Variants in FHIT observed in about 807,000 individuals in gnomAD.
FHIT encodes the protein fragile histidine triad diadenosine triphosphatase, also known as bis(5'-adenosyl)-triphosphatase.
In FHIT, 19 loss-of-function variants were observed where a neutral mutation model predicts 17.9. That is an observed-to-expected ratio of 1.06 (90% CI 0.74 to 1.56). The LOEUF (loss-of-function observed/expected upper bound fraction) is 1.56. FHIT is among the 40% of genes most tolerant of loss of function. The pLI, the probability that FHIT is intolerant of heterozygous loss-of-function variation, is 0.00. For missense variants in FHIT, 248 were observed against 189.2 expected, an observed-to-expected ratio of 1.31 and a Z score of -1.82; for synonymous variants, 81 against 69.7, an observed-to-expected ratio of 1.16 and a Z score of -0.81.
At chr3:61,055,347 A>T (rs533584678) in intron 2 of FHIT, among the ~76,000 whole-genome samples, 5 of 152,306 alleles carry the variant, frequency 3.3e-5, no homozygotes, top group African/African-American at 1.2e-4. Context: ...TTGTAGCCAC[A>T]ATAATGCCTA....
At chr3:59,847,070 C>G (rs541769481) in intron 8 of FHIT, among the ~76,000 whole-genome samples, 1 of 152,158 alleles carries the variant, frequency 6.6e-6, no homozygotes, top group East Asian at 1.9e-4. Context: ...CTTTCAGGCT[C>G]ACCCTATTTG....
chr3:60,241,724 T>C (rs1705138805), intron 5 of FHIT, among the ~76,000 whole-genome samples: 2 of 152,118 alleles, frequency 1.3e-5, no homozygotes, highest in Non-Finnish European at 1.5e-5. Context: ...TTCCTACATA[T>C]GAAGAGAGAA....
At chr3:60,652,326 C>T (rs1422966219) in intron 4 of FHIT, among the ~76,000 whole-genome samples, 7 of 152,122 alleles carry the variant, frequency 4.6e-5, no homozygotes, top group African/African-American at 1.7e-4. Flanking sequence ...CTAGGCCAGG[C>T]GTGGTAGTTC....
At chr3:60,008,736 T>G (rs1700016094) in intron 7 of FHIT, among the ~76,000 whole-genome samples, 1 of 152,244 alleles carries the variant, frequency 6.6e-6, no homozygotes, top group Non-Finnish European at 1.5e-5. Flanking sequence ...TGCAACTGTG[T>G]GAATTCCAAA....
chr3:60,497,442 T>C (rs2034346588), intron 5 of FHIT, among the ~76,000 whole-genome samples: 1 of 152,356 alleles, frequency 6.6e-6, no homozygotes, highest in South Asian at 2.1e-4. Flanking sequence ...ATAAAAATCA[T>C]TCTGCAAACA....
At chr3:60,582,732 C>T (rs1375016602) in intron 4 of FHIT, among the ~76,000 whole-genome samples, 1 of 152,106 alleles carries the variant, frequency 6.6e-6, no homozygotes, top group Non-Finnish European at 1.5e-5. Context: ...AACACATCCA[C>T]ATATGGAAGA....
At chr3:60,823,649 T>C (rs1001384612) in intron 3 of FHIT, among the ~76,000 whole-genome samples, 1 of 152,240 alleles carries the variant, frequency 6.6e-6, no homozygotes, top group Non-Finnish European at 1.5e-5. Context: ...GGTGACACTT[T>C]GATTTCAGAC....
intron 5 of FHIT, among the ~76,000 whole-genome samples, chr3:60,392,470 T>C (rs941365209): frequency 1.3e-5 from 2 of 152,196 alleles, no homozygotes; most frequent in Non-Finnish European, 2.9e-5. Flanking sequence ...ACCTTGTTCA[T>C]GCTTTAACTG....
At chr3:61,039,514 T>A (rs2033405321) in intron 3 of FHIT, among the ~76,000 whole-genome samples, 1 of 152,146 alleles carries the variant, frequency 6.6e-6, no homozygotes, top group African/African-American at 2.4e-5. Context: ...CATAGAATAC[T>A]ACACAGCCAT....
intron 4 of FHIT, among the ~76,000 whole-genome samples, chr3:60,596,488 T>C (rs1311300093): frequency 6.6e-6 from 1 of 152,102 alleles, no homozygotes; most frequent in Non-Finnish European, 1.5e-5. Flanking sequence ...CATGACCTAA[T>C]CTCCAAAATC....
intron 4 of FHIT, among the ~76,000 whole-genome samples, chr3:60,752,541 G>T (rs58004298): frequency 0.01 from 1,530 of 152,196 alleles, 29 homozygotes; most frequent in African/African-American, 0.034. Flanking sequence ...TCCTCTCCAA[G>T]TTCTCAACAA....
At position 60,744,273 on chromosome 3, in the gene FHIT, A is replaced by C. The variant is rs555824701; in HGVS notation, c.-18+77646T>G. 2.3e-3 allele frequency among the ~76,000 whole-genome samples: 341 copies of C among 147,358 alleles called. 7 individuals are homozygous for C. Among genetic ancestry groups the C allele is most frequent in the South Asian group, 0.01 (45 of 4,478 alleles). ...AAAAAAAAAACAAAACAAAACAAAAAAAAAAAAAAACAGAAAGAAAAGAAA... is the reference window on the plus strand; with the variant it reads ...AAAAAAAAAACAAAACAAAACAAAACAAAAAAAAAACAGAAAGAAAAGAAA... On this transcript the variant is annotated intron_variant, in intron 4 of 9. Coordinates refer to ENST00000492590, the MANE Select transcript of FHIT (RefSeq NM_002012.4).
Position 60,407,958 on chromosome 3 carries a change from A to G in FHIT, c.103+128902T>C, listed in dbSNP as rs1701934206. On this transcript the variant is annotated intron_variant, in intron 5 of 9. Coordinates refer to ENST00000492590, the MANE Select transcript of FHIT (RefSeq NM_002012.4). ...ACCATTACTGGAACCTGTTAAAGCC[A>G]CTAACAGAGAAAGTCATATTTCAAG... is the stretch of plus-strand genomic sequence containing the variant. Among the ~76,000 whole-genome samples the G allele has an allele frequency of 1.3e-5, 2 of 152,222 alleles. 1 individual carries two copies. The highest frequency in any genetic ancestry group is 4.1e-4 in the South Asian group (2 of 4,836).
At chr3:59,897,793 A>C (rs902029052) in intron 8 of FHIT, among the ~76,000 whole-genome samples, 1 of 150,248 alleles carries the variant, frequency 6.7e-6, no homozygotes, top group African/African-American at 2.5e-5. Flanking sequence ...TTGAGAGGGA[A>C]TCTCACCCTG....
chr3:60,441,891 CT>C (rs1005273580), intron 5 of FHIT, among the ~76,000 whole-genome samples: 1 of 143,916 alleles, frequency 6.9e-6, no homozygotes, highest in African/African-American at 2.6e-5. Flanking sequence ...CAAGGACTCG[CT>C]CTGTCACCCA....
At chr3:60,451,671 G>C (rs541800934) in intron 5 of FHIT, among the ~76,000 whole-genome samples, 40 of 152,196 alleles carry the variant, frequency 2.6e-4, no homozygotes, top group Non-Finnish European at 2.4e-4. Context: ...TTTGCACAAA[G>C]ATAACTTAGT....
chr3:59,872,971 C>G (rs745453294), intron 8 of FHIT, among the ~76,000 whole-genome samples: 1 of 152,214 alleles, frequency 6.6e-6, no homozygotes, highest in Non-Finnish European at 1.5e-5. Flanking sequence ...TACCTAGACT[C>G]AAAATCTAGA....
intron 5 of FHIT, among the ~76,000 whole-genome samples, chr3:60,512,584 G>C (rs1359158555): frequency 6.7e-6 from 1 of 148,770 alleles, no homozygotes; most frequent in Non-Finnish European, 1.5e-5. Context: ...AAAAAACTGT[G>C]TCTTTTACAG....
At chr3:60,012,928 C>A (rs888620671) in intron 6 of FHIT, among the ~76,000 whole-genome samples, 2 of 152,080 alleles carry the variant, frequency 1.3e-5, no homozygotes, top group African/African-American at 4.8e-5. Context: ...TCATTCACTG[C>A]CTTCATTTAG....
Sources: allele counts gnomAD v4.1 joint callset (sites outside exome capture counted in the v4.1 genomes callset), GRCh38; gene constraint gnomAD v4.1.1; transcripts MANE v1.5; gene names NCBI Gene and HGNC (gene_info 2026-07-23, HGNC 2026-07-21).